Variants in UTRN observed in about 807,000 individuals in gnomAD.
UTRN encodes the protein utrophin.
In UTRN, 283 loss-of-function variants were observed where a neutral mutation model predicts 463.9. The observed-to-expected ratio is 0.61, with a 90% CI of 0.55 to 0.67. The LOEUF is 0.67. Among genes scored for constraint, UTRN ranks in the 30% least tolerant of loss-of-function variants. UTRN has a pLI of 0.00. For missense variants in UTRN, 3,922 were observed against 4,084.3 expected (o/e 0.96, Z 1.08); for synonymous variants, 1,442 against 1,431.5 (o/e 1.01, Z -0.17).
At chr6:144,430,131 C>T (rs1166943530) in intron 9 of UTRN, among the ~76,000 whole-genome samples, 1 of 151,794 alleles carries the variant, frequency 6.6e-6, no homozygotes, top group Non-Finnish European at 1.5e-5. Flanking sequence ...CTTTTTTTGC[C>T]ATTGAGAAAA....
chr6:144,508,142 A>G (rs1365094603), intron 34 of UTRN, among the ~76,000 whole-genome samples: 1 of 152,100 alleles, frequency 6.6e-6, no homozygotes, highest in African/African-American at 2.4e-5. Context: ...GGCAGCGAGA[A>G]TTTCCAGCCG....
chr6:144,506,353 T>C (rs1344696924), intron 34 of UTRN, among the ~76,000 whole-genome samples: 2 of 152,182 alleles, frequency 1.3e-5, no homozygotes, highest in Non-Finnish European at 2.9e-5. Context: ...TTCTTCATAG[T>C]GTCCATGGTC....
intron 2 of UTRN, among the ~76,000 whole-genome samples, chr6:144,316,944 A>G (rs946429791): frequency 1.3e-5 from 2 of 152,370 alleles, no homozygotes; most frequent in Non-Finnish European, 2.9e-5. Context: ...GCAGAGAGGA[A>G]GAAATGAGTG....
chr6:144,564,641 T>C (rs1290841295), intron 50 of UTRN, among the ~76,000 whole-genome samples: 3 of 152,146 alleles, frequency 2.0e-5, no homozygotes, highest in Admixed American at 6.6e-5. Context: ...AGGCACCTTC[T>C]TCACAAGGTG....
chr6:144,581,492 T>C (rs748491408), intron 51 of UTRN, among the ~76,000 whole-genome samples: 1 of 152,180 alleles, frequency 6.6e-6, no homozygotes, highest in African/African-American at 2.4e-5. Flanking sequence ...TTTTATCTCC[T>C]ATGTTTGCTT....
chr6:144,306,484 G>A (rs1805751204), intron 2 of UTRN, among the ~76,000 whole-genome samples: 1 of 152,144 alleles, frequency 6.6e-6, no homozygotes, highest in Admixed American at 6.5e-5. Flanking sequence ...ATGGGTGGTG[G>A]ATGGGATGGA....
At chr6:144,850,852 C>A in intron 74 of UTRN, 137 bp from the exon 75 acceptor site, 1 of 1,133,444 alleles carries the variant, frequency 8.8e-7, no homozygotes, top group South Asian at 1.3e-5. Flanking sequence ...GGAGGGACCT[C>A]ATTGCAGGAA....
chr6:144,777,721 G>C (rs4896741), intron 60 of UTRN, among the ~76,000 whole-genome samples: 22,524 of 152,174 alleles, frequency 0.15, 2,137 homozygotes, highest in Admixed American at 0.33. Flanking sequence ...TTATGAAGAA[G>C]AAGGCAGGCT....
In UTRN at chr6:144,641,329, G is replaced by A. The variant is rs568090443; in HGVS notation, c.7480-37077G>A. On this transcript the variant is annotated intron_variant, in intron 51 of 74. Transcript: ENST00000367545. ...TTTGAAAATTTTCTGATTGCCTATT[G>A]GTTGAAAGAATTATTCAATGTAGAA... Among the ~76,000 whole-genome samples, 7 of 152,270 alleles carry A rather than the reference G, an allele frequency of 4.6e-5. No homozygotes were observed. The East Asian group carries it at 7.7e-4, about 17-fold the overall frequency.
intron 66 of UTRN, among the ~76,000 whole-genome samples, chr6:144,824,606 A>ATC (rs1562955051): frequency 5.4e-5 from 2 of 36,914 alleles, no homozygotes; most frequent in African/African-American, 4.0e-4. Flanking sequence ...ATATATATAT[A>ATC]TATATATCTT....
At chr6:144,327,651 T>G (rs1776055113) in intron 2 of UTRN, among the ~76,000 whole-genome samples, 1 of 152,066 alleles carries the variant, frequency 6.6e-6, no homozygotes, top group Non-Finnish European at 1.5e-5. Context: ...GTTACAGAAG[T>G]AAGGGGACTG....
chr6:144,553,145 C>A (rs1799072285), intron 48 of UTRN, among the ~76,000 whole-genome samples: 1 of 152,190 alleles, frequency 6.6e-6, no homozygotes, highest in South Asian at 2.1e-4. Flanking sequence ...TCCAGCGATT[C>A]TCCTGCCTCA....
At position 144,487,573 on chromosome 6, in the gene UTRN, C is replaced by T. The variant is rs1388841023; in HGVS notation, c.3848C>T (p.Pro1283Leu). 22 of 1,612,496 alleles carry T rather than the reference C, an allele frequency of 1.4e-5. No homozygotes were observed. Among genetic ancestry groups the T allele is most frequent in the Admixed American group, 1.7e-5 (1 of 59,886 alleles). ...LESLESVLRH[P>L]ADNRTQIREL... ...TCTCTGGAATCTGTTCTGCGCCACC[C>T]GGCAGATAATCGCACCCAGATTCGA... Residue 1283 changes from proline (P) to leucine (L), a missense_variant, in exon 29 of 75, where the codon CCG becomes CTG. Coordinates refer to ENST00000367545, the MANE Select transcript of UTRN (RefSeq NM_007124.3).
intron 51 of UTRN, among the ~76,000 whole-genome samples, chr6:144,619,274 C>T (rs1775101743): frequency 6.6e-6 from 1 of 152,178 alleles, no homozygotes; most frequent in Admixed American, 6.5e-5. Context: ...AGTATGACCA[C>T]AATGTCATAT....
chr6:144,334,082 CT>C (rs1776534457), intron 2 of UTRN, among the ~76,000 whole-genome samples: 1 of 151,996 alleles, frequency 6.6e-6, no homozygotes, highest in African/African-American at 2.4e-5. Flanking sequence ...ATTTTTTTCC[CT>C]ACAAAATTGC....
chr6:144,810,003 T>G (rs890949535), intron 65 of UTRN, among the ~76,000 whole-genome samples: 1 of 152,136 alleles, frequency 6.6e-6, no homozygotes, highest in Non-Finnish European at 1.5e-5. Context: ...ATTTTTATGC[T>G]TAGGTTTGAT....
intron 39 of UTRN, among the ~76,000 whole-genome samples, chr6:144,517,774 C>G (rs890204151): frequency 6.6e-6 from 1 of 152,080 alleles, no homozygotes; most frequent in Admixed American, 6.6e-5. Context: ...TTGACTATAC[C>G]ACACAGCCTA....
rs748399313 is a variant in UTRN at position 144,772,016 on chromosome 6, GTTTTTTTTTTTTTTTTT to G, written c.8557+69_8557+85del. The stretch of plus-strand genomic sequence containing the variant: ...AATTAACCTAAACAACTGAGAACCG[GTTTTTTTTTTTTTTTTT>G]TTTTTTTTTTTTTTTTTTTTAAGGT... On this transcript the variant is annotated intron_variant, in intron 59 of 74. Coordinates refer to ENST00000367545, the MANE Select transcript of UTRN (RefSeq NM_007124.3). The G allele has an allele frequency of 8.1e-4, 103 of 127,570 alleles. 3 individuals carry two copies. The highest frequency in any genetic ancestry group is 1.2e-3 in the Non-Finnish European group (82 of 66,104). 7.9% of individuals were successfully genotyped at this position (127,570 alleles called of 1,614,324 possible).
intron 61 of UTRN, among the ~76,000 whole-genome samples, chr6:144,785,048 A>G (rs909871858): frequency 1.3e-5 from 2 of 152,262 alleles, no homozygotes; most frequent in African/African-American, 2.4e-5. Flanking sequence ...TCTAACAACC[A>G]TGATTTATTT....
Sources: gnomAD v4.1 joint callset for allele counts (sites outside exome capture counted in the v4.1 genomes callset) on GRCh38, gnomAD v4.1.1 for gene constraint, MANE v1.5 for transcripts, NCBI Gene and HGNC (gene_info 2026-07-23, HGNC 2026-07-21) for gene names.